Variants in CAST observed in about 807,000 individuals in gnomAD.
The protein encoded by CAST is calpastatin, also known as MIR583 host.
A neutral mutation model predicts 119.6 loss-of-function variants in CAST; 76 were observed. The ratio of observed to expected loss-of-function variants is 0.64; its 90% CI spans 0.53 to 0.77. The LOEUF is 0.77. CAST is among the 30% of genes least tolerant of loss of function. The pLI is 0.00. For synonymous variants in CAST, 319 were observed against 331.6 expected (o/e 0.96, Z 0.41); for missense variants, 953 against 946.5 (o/e 1.01, Z -0.09).
the CAST span, among the ~76,000 whole-genome samples, chr5:96,311,906 A>C: frequency 2.6e-5 from 4 of 152,152 alleles, no homozygotes; most frequent in African/African-American, 9.6e-5. Context: ...ATCCATTTAC[A>C]TTCAGGTAAT....
At chr5:96,028,433 C>A in the CAST span, among the ~76,000 whole-genome samples, 2 of 151,738 alleles carry the variant, frequency 1.3e-5, no homozygotes, top group Non-Finnish European at 2.9e-5. Flanking sequence ...CAATATTCAG[C>A]CAAGCTTAAT....
chr5:96,325,783 G>T, the CAST span, among the ~76,000 whole-genome samples: 1 of 152,196 alleles, frequency 6.6e-6, no homozygotes, highest in East Asian at 1.9e-4. Context: ...CCCAGCCTCC[G>T]ATCTCTTAGA....
chr5:96,392,185 T>G, the CAST span: 1 of 150,478 alleles, frequency 6.6e-6, no homozygotes, highest in Non-Finnish European at 1.5e-5. Context: ...TTTTTTTTTT[T>G]CTGGGAAAGT....
At chr5:96,761,767 A>T (rs1768046392) in intron 24 of CAST, 1 of 153,942 alleles carries the variant, frequency 6.5e-6, no homozygotes, top group South Asian at 2.1e-4. Flanking sequence ...TATACAAGCA[A>T]TAGTAGTATA....
intron 1 of CAST, among the ~76,000 whole-genome samples, chr5:96,638,529 T>G (rs1324250672): frequency 6.6e-6 from 1 of 152,220 alleles, no homozygotes; most frequent in Non-Finnish European, 1.5e-5. Context: ...GGGGATCCTC[T>G]AGACCTCCCC....
At chr5:96,485,839 C>A in the CAST span, among the ~76,000 whole-genome samples, 1 of 152,158 alleles carries the variant, frequency 6.6e-6, no homozygotes, top group African/African-American at 2.4e-5. Flanking sequence ...CTCATGGAAG[C>A]ATCCTTATTT....
At chr5:96,656,735 A>G (rs1365562282) in intron 1 of CAST, among the ~76,000 whole-genome samples, 1 of 152,166 alleles carries the variant, frequency 6.6e-6, no homozygotes, top group Admixed American at 6.5e-5. Context: ...GGATAGAGCA[A>G]TGGGGAGCCA....
At chr5:96,671,088 G>T (rs543315509) in intron 1 of CAST, among the ~76,000 whole-genome samples, 1 of 152,354 alleles carries the variant, frequency 6.6e-6, no homozygotes, top group South Asian at 2.1e-4. Context: ...GATAAAGGGG[G>T]TGAAAACAGT....
the CAST span, among the ~76,000 whole-genome samples, chr5:96,430,985 G>A: frequency 6.6e-6 from 1 of 152,166 alleles, no homozygotes; most frequent in African/African-American, 2.4e-5. Context: ...AGAGCTAACA[G>A]GTGGGAAAAA....
At chr5:95,993,208 T>C in the CAST span, among the ~76,000 whole-genome samples, 15 of 152,158 alleles carry the variant, frequency 9.9e-5, no homozygotes, top group Non-Finnish European at 1.8e-4. Flanking sequence ...CTAGAACAAT[T>C]GAATATCTTT....
At chr5:96,708,966 G>T (rs1009541543) in intron 3 of CAST, among the ~76,000 whole-genome samples, 5 of 152,180 alleles carry the variant, frequency 3.3e-5, no homozygotes, top group African/African-American at 1.2e-4. Flanking sequence ...AATGAAGATT[G>T]TTTTCCATGA....
chr5:95,970,301 A>C, the CAST span: 1 of 152,354 alleles, frequency 6.6e-6, no homozygotes, highest in East Asian at 1.9e-4. Flanking sequence ...TTTGATCTGG[A>C]AAGTAAAGAG....
the CAST span, among the ~76,000 whole-genome samples, chr5:95,980,032 C>T: frequency 2.6e-5 from 4 of 152,004 alleles, no homozygotes; most frequent in Non-Finnish European, 4.4e-5. Flanking sequence ...GCAGGAGAAT[C>T]GCTTGAACCT....
At chr5:96,324,785 A>G in the CAST span, among the ~76,000 whole-genome samples, 5 of 152,114 alleles carry the variant, frequency 3.3e-5, no homozygotes, top group Non-Finnish European at 7.3e-5. Flanking sequence ...GACAAGGTAC[A>G]CTACTATAAC....
At chr5:96,063,030 G>T in the CAST span, among the ~76,000 whole-genome samples, 2 of 152,222 alleles carry the variant, frequency 1.3e-5, no homozygotes, top group Admixed American at 1.3e-4. Flanking sequence ...ATAAACTTCT[G>T]CAGGAAGAGA....
intron 1 of CAST, among the ~76,000 whole-genome samples, chr5:96,590,053 T>G (rs750015930): frequency 4.6e-5 from 7 of 152,228 alleles, no homozygotes; most frequent in Admixed American, 4.6e-4. Context: ...TGTTTTATAC[T>G]GTTTCTGATG....
chr5:96,627,688 A>G (rs1407598073), intron 1 of CAST, among the ~76,000 whole-genome samples: 1 of 152,248 alleles, frequency 6.6e-6, no homozygotes, highest in East Asian at 1.9e-4. Flanking sequence ...ACAGAAATAT[A>G]AATGTCTTTA....
the CAST span, chr5:96,412,276 G>T: frequency 1.3e-6 from 2 of 1,497,650 alleles, no homozygotes; most frequent in South Asian, 2.3e-5. Context: ...ATATCCAGAT[G>T]GTCAGGTTTC....
the CAST span, among the ~76,000 whole-genome samples, chr5:96,283,798 T>C: frequency 4.6e-5 from 7 of 152,240 alleles, no homozygotes; most frequent in African/African-American, 1.7e-4. Context: ...AATCCACCAA[T>C]GAAACTATGT....
Sources: gnomAD v4.1 joint callset for allele counts (sites outside exome capture counted in the v4.1 genomes callset) on GRCh38, gnomAD v4.1.1 for gene constraint, MANE v1.5 for transcripts, NCBI Gene and HGNC (gene_info 2026-07-23, HGNC 2026-07-21) for gene names.